LEKR1: variants seen among roughly 807,000 people sequenced by gnomAD.
The protein encoded by LEKR1 is leucine, glutamate and lysine rich 1, also known as protein LEKR1.
Under a neutral mutation model 72.4 loss-of-function variants are expected in LEKR1, and 59 were observed. That is an observed-to-expected ratio of 0.82 (90% CI 0.66 to 1.01). The LOEUF (loss-of-function observed/expected upper bound fraction) is 1.01. LEKR1 is among the 50% of genes least tolerant of loss of function. The pLI is 0.00. For missense variants in LEKR1, 728 were observed against 759.2 expected (o/e 0.96, Z 0.48); for synonymous variants, 257 against 263.2 (o/e 0.98, Z 0.23).
chr3:156,862,607 G>A (rs1431489256), intron 3 of LEKR1, among the ~76,000 whole-genome samples: 8 of 151,890 alleles, frequency 5.3e-5, no homozygotes, highest in Non-Finnish European at 1.2e-4. Flanking sequence ...CTTTTTCTAT[G>A]TTTGTTAACT....
chr3:156,938,322 C>A (rs973947991), intron 5 of LEKR1, among the ~76,000 whole-genome samples: 8 of 152,130 alleles, frequency 5.3e-5, no homozygotes, highest in Admixed American at 1.3e-4. Flanking sequence ...CATTTCTTTG[C>A]AACTTTCTGT....
chr3:156,951,017 C>A (rs1411886589), intron 6 of LEKR1, among the ~76,000 whole-genome samples: 1 of 150,940 alleles, frequency 6.6e-6, no homozygotes, highest in Admixed American at 6.6e-5. Context: ...ATAGACAGCT[C>A]TTATTTTGAG....
intron 3 of LEKR1, among the ~76,000 whole-genome samples, chr3:156,910,423 A>G (rs556531558): frequency 1.3e-5 from 2 of 152,308 alleles, no homozygotes; most frequent in East Asian, 1.9e-4. Context: ...AATGGTTTCC[A>G]TAACAATAGA....
intron 10 of LEKR1, among the ~76,000 whole-genome samples, chr3:157,021,098 T>C (rs1206656745): frequency 2.6e-5 from 4 of 152,072 alleles, no homozygotes; most frequent in African/African-American, 9.7e-5. Flanking sequence ...TGTCTGTTCA[T>C]ATCCTTCACC....
chr3:156,902,747 C>T (rs1054192163), intron 3 of LEKR1, among the ~76,000 whole-genome samples: 18 of 151,974 alleles, frequency 1.2e-4, no homozygotes, highest in Non-Finnish European at 1.0e-4. Context: ...AATAGCATTC[C>T]TCAGAATACA....
intron 3 of LEKR1, among the ~76,000 whole-genome samples, chr3:156,914,403 A>G (rs1723402082): frequency 6.6e-6 from 1 of 152,112 alleles, no homozygotes; most frequent in Non-Finnish European, 1.5e-5. Context: ...TATGAGTGAG[A>G]ACATGAGGTG....
At chr3:157,010,797 A>C (rs1181895408) in intron 9 of LEKR1, among the ~76,000 whole-genome samples, 2 of 152,064 alleles carry the variant, frequency 1.3e-5, no homozygotes, top group Non-Finnish European at 2.9e-5. Context: ...CTAAGCATTA[A>C]GATCTGCTTA....
intron 7 of LEKR1, among the ~76,000 whole-genome samples, chr3:156,991,880 T>G (rs1731166505): frequency 6.6e-6 from 1 of 152,224 alleles, no homozygotes; most frequent in Non-Finnish European, 1.5e-5. Flanking sequence ...ACTTTTTTAC[T>G]ATGTTCTGGA....
chr3:156,909,394 G>A (rs975276759), intron 3 of LEKR1, among the ~76,000 whole-genome samples: 1 of 152,082 alleles, frequency 6.6e-6, no homozygotes, highest in Non-Finnish European at 1.5e-5. Flanking sequence ...GGTCATGCCT[G>A]CAATCCCAGT....
intron 6 of LEKR1, among the ~76,000 whole-genome samples, chr3:156,951,536 ATGT>A (rs1204632660): frequency 2.7e-5 from 4 of 150,886 alleles, no homozygotes; most frequent in African/African-American, 9.7e-5. Context: ...TTAATTTCTG[ATGT>A]TGTTATTGGT....
intron 2 of LEKR1, among the ~76,000 whole-genome samples, chr3:156,848,000 C>G (rs1714837997): frequency 6.6e-6 from 1 of 152,136 alleles, no homozygotes; most frequent in Non-Finnish European, 1.5e-5. Flanking sequence ...TCTACTCCAC[C>G]CATCAAGAGT....
At chr3:156,914,241 G>A (rs1460797745) in intron 3 of LEKR1, among the ~76,000 whole-genome samples, 1 of 151,954 alleles carries the variant, frequency 6.6e-6, no homozygotes, top group African/African-American at 2.4e-5. Context: ...GTATACACAT[G>A]CCATGGTGGT....
At chr3:156,832,947 C>CA (rs1712613373) in intron 2 of LEKR1, among the ~76,000 whole-genome samples, 1 of 152,094 alleles carries the variant, frequency 6.6e-6, no homozygotes, top group Admixed American at 6.5e-5. Context: ...TGAACTTATG[C>CA]AAAAAACTAT....
intron 12 of LEKR1, among the ~76,000 whole-genome samples, chr3:157,042,607 T>C (rs1162118311): frequency 6.6e-6 from 1 of 152,186 alleles, no homozygotes; most frequent in East Asian, 1.9e-4. Context: ...TGTGACTTGC[T>C]TTTTGGTTGT....
intron 10 of LEKR1, among the ~76,000 whole-genome samples, chr3:157,013,686 A>C (rs1733084837): frequency 6.6e-6 from 1 of 152,126 alleles, no homozygotes; most frequent in African/African-American, 2.4e-5. Flanking sequence ...GCAAAGGACT[A>C]ATAATTATGC....
At chr3:156,919,906 T>G (rs528342431) in intron 3 of LEKR1, among the ~76,000 whole-genome samples, 4 of 152,310 alleles carry the variant, frequency 2.6e-5, no homozygotes, top group African/African-American at 9.6e-5. Context: ...ATTCATTCAT[T>G]ATACCAAAAG....
chr3:156,971,993 A>G (rs971341521), intron 6 of LEKR1, among the ~76,000 whole-genome samples: 1 of 152,206 alleles, frequency 6.6e-6, no homozygotes, highest in African/African-American at 2.4e-5. Context: ...ATTACTGGGT[A>G]CATACTGAAA....
chr3:156,905,793 A>G (rs969778855), intron 3 of LEKR1, among the ~76,000 whole-genome samples: 1 of 152,174 alleles, frequency 6.6e-6, no homozygotes, highest in African/African-American at 2.4e-5. Context: ...CAGGTATAGA[A>G]GCCACTTCTC....
intron 9 of LEKR1, among the ~76,000 whole-genome samples, chr3:156,995,975 G>T (rs765603284): frequency 6.6e-6 from 1 of 152,012 alleles, no homozygotes; most frequent in Non-Finnish European, 1.5e-5. Flanking sequence ...TCCTCTAACT[G>T]CCCAGAGCCT....
Sources: allele counts gnomAD v4.1 joint callset (sites outside exome capture counted in the v4.1 genomes callset), GRCh38; gene constraint gnomAD v4.1.1; transcripts MANE v1.5; gene names NCBI Gene and HGNC (gene_info 2026-07-23, HGNC 2026-07-21).